Variants in ZNHIT6 observed in about 807,000 individuals in gnomAD.
ZNHIT6 encodes the protein box C/D snoRNA protein 1.
Under a neutral mutation model 57.2 loss-of-function variants are expected in ZNHIT6, and 45 were observed. The observed-to-expected ratio is 0.79, with a 90% CI of 0.62 to 1.01. The LOEUF (loss-of-function observed/expected upper bound fraction) is 1.01. ZNHIT6 is among the 50% of genes least tolerant of loss of function. ZNHIT6 has a pLI of 0.00. For synonymous variants in ZNHIT6, 188 were observed against 190.0 expected, an observed-to-expected ratio of 0.99 and a Z score of 0.09; for missense variants, 528 against 567.3, an observed-to-expected ratio of 0.93 and a Z score of 0.70.
chr1:85,662,165 A>AC (rs990498048), intron 8 of ZNHIT6, among the ~76,000 whole-genome samples: 6 of 151,246 alleles, frequency 4.0e-5, no homozygotes, highest in Non-Finnish European at 7.4e-5. Context: ...TAAAAAAAAA[A>AC]AAAAAACCTC....
Position 85,673,084 on chromosome 1 carries a change from G to A in ZNHIT6, c.1247+4152C>T, listed in dbSNP as rs376513604. Among the ~76,000 whole-genome samples the A allele has an allele frequency of 5.6e-4, 86 of 152,240 alleles. No homozygotes were observed. The South Asian group carries it at 0.017, about 30-fold the overall frequency. Reference sequence around the variant, plus strand: ...GTCCAAAACCACTCATTTACTTTCTGAGAATAGAAAGTTGGTAAGAAATAA... The same window carrying A: ...GTCCAAAACCACTCATTTACTTTCTAAGAATAGAAAGTTGGTAAGAAATAA... On this transcript the variant is annotated intron_variant, in intron 8 of 9. Coordinates refer to ENST00000370574, the MANE Select transcript of ZNHIT6 (RefSeq NM_017953.4).
intron 5 of ZNHIT6, among the ~76,000 whole-genome samples, chr1:85,688,897 G>C (rs1401079184): frequency 2.0e-5 from 3 of 152,176 alleles, no homozygotes; most frequent in Non-Finnish European, 4.4e-5. Flanking sequence ...TGCTGTAATT[G>C]AAGTCCATCT....
At chr1:85,662,298 G>C (rs958175475) in intron 8 of ZNHIT6, among the ~76,000 whole-genome samples, 5 of 151,820 alleles carry the variant, frequency 3.3e-5, no homozygotes, top group African/African-American at 1.2e-4. Context: ...CCAAAACTAA[G>C]TTTGAATTTC....
chr1:85,706,656 A>G (rs2100727173), intron 1 of ZNHIT6, 149 bp from the exon 2 acceptor site: 1 of 694,162 alleles, frequency 1.4e-6, no homozygotes, highest in Non-Finnish European at 2.1e-6. Flanking sequence ...ATTCTTCTCT[A>G]TGAAACCTTC....
chr1:85,679,565 T>TTG (rs1306020993), intron 6 of ZNHIT6, among the ~76,000 whole-genome samples: 7 of 138,200 alleles, frequency 5.1e-5, no homozygotes, highest in Non-Finnish European at 1.0e-4. Context: ...ATTAAAATGT[T>TTG]TTTTTTTTTT....
intron 6 of ZNHIT6, among the ~76,000 whole-genome samples, chr1:85,680,608 C>A (rs926040197): frequency 6.6e-6 from 1 of 152,168 alleles, no homozygotes; most frequent in Non-Finnish European, 1.5e-5. Context: ...TATTTACAAT[C>A]ATGTTCTCTA....
At chr1:85,675,015 C>A (rs1269532149) in intron 8 of ZNHIT6, among the ~76,000 whole-genome samples, 1 of 152,088 alleles carries the variant, frequency 6.6e-6, no homozygotes, top group Non-Finnish European at 1.5e-5. Flanking sequence ...CCATGAAGAG[C>A]CGAAGTGGAT....
At chr1:85,695,685 A>G (rs1395157304) in intron 5 of ZNHIT6, among the ~76,000 whole-genome samples, 1 of 152,222 alleles carries the variant, frequency 6.6e-6, no homozygotes, top group Non-Finnish European at 1.5e-5. Flanking sequence ...ATTTCTTAGC[A>G]TGTCCTTAAT....
chr1:85,685,292 A>G (rs895387807), intron 5 of ZNHIT6, among the ~76,000 whole-genome samples: 1 of 152,230 alleles, frequency 6.6e-6, no homozygotes, highest in Non-Finnish European at 1.5e-5. Context: ...CTAAATGTAC[A>G]TCATCAGAAA....
rs1324792203 is a variant in ZNHIT6 at position 85,682,521 on chromosome 1, A to T, written c.1020-1617T>A. 5.3e-5 allele frequency among the ~76,000 whole-genome samples: 8 copies of T among 152,316 alleles called. No homozygotes were observed. The East Asian group carries it at 1.5e-3, about 29-fold the overall frequency. On this transcript the variant is annotated intron_variant, in intron 5 of 9. Coordinates refer to ENST00000370574, the MANE Select transcript of ZNHIT6 (RefSeq NM_017953.4). The stretch of plus-strand genomic sequence containing the variant: ...TAATACACCCTGAATACATTCAGAA[A>T]GCACTTAACATTCCAAACACAGAGA...
intron 5 of ZNHIT6, among the ~76,000 whole-genome samples, chr1:85,699,832 GAATA>G (rs1348651517): frequency 1.9e-4 from 29 of 152,124 alleles, no homozygotes; most frequent in African/African-American, 6.3e-4. Context: ...ATGAATATCG[GAATA>G]ATTAAATGAA....
intron 6 of ZNHIT6, among the ~76,000 whole-genome samples, chr1:85,679,190 G>A (rs928531476): frequency 6.3e-4 from 96 of 152,210 alleles, no homozygotes; most frequent in African/African-American, 2.2e-3. Flanking sequence ...ATAAGACCAA[G>A]TTAAAAAATT....
intron 5 of ZNHIT6, among the ~76,000 whole-genome samples, chr1:85,686,200 A>AT: frequency 6.6e-6 from 1 of 151,800 alleles, no homozygotes; most frequent in East Asian, 2.0e-4. Context: ...TGACCTTATG[A>AT]TACGCCCGCC....
rs140615075 is a variant in ZNHIT6, at chr1:85,649,432, G to A, written c.*4626C>T. ...TTACCAAATATCAGGCTGAGCTTTG[G>A]TACTTTATTTGGCAAGAAAATAAAA... On this transcript the variant is annotated 3_prime_UTR_variant, in exon 10 of 10. Transcript: ENST00000370574. 6.6e-6 allele frequency: 1 copy of A among 152,248 alleles called. No individual in the cohort carries two copies. The highest frequency in any genetic ancestry group is 2.4e-5 in the African/African-American group (1 of 41,542). The allele number at this position is 152,248 out of a possible 1,614,324, so 9.4% of individuals were successfully genotyped here.
intron 5 of ZNHIT6, among the ~76,000 whole-genome samples, chr1:85,684,890 C>A (rs144394046): frequency 9.6e-4 from 146 of 152,178 alleles, no homozygotes; most frequent in African/African-American, 3.3e-3. Flanking sequence ...GAAAAAGATG[C>A]AAATCAAAAG....
At chr1:85,659,343 T>C (rs771189206) in intron 8 of ZNHIT6, among the ~76,000 whole-genome samples, 31 of 152,338 alleles carry the variant, frequency 2.0e-4, no homozygotes, top group Non-Finnish European at 4.4e-4. Flanking sequence ...GAGAATATGT[T>C]GGCATGTTAA....
Position 85,651,696 on chromosome 1 carries a change from A to G in ZNHIT6, c.*2362T>C, listed in dbSNP as rs760520270. The G allele has an allele frequency of 3.3e-5, 5 of 152,240 alleles. No individual in the cohort carries two copies. The highest frequency in any genetic ancestry group is 5.9e-5 in the Non-Finnish European group (4 of 68,042). 9.4% of individuals were successfully genotyped at this position (152,240 alleles called of 1,614,324 possible). ...CAGGTGGAGCTTTTCTCCTTTTAAAATGTGATTCATGAACAAAATGCAGGA... is the reference window on the plus strand; with the variant it reads ...CAGGTGGAGCTTTTCTCCTTTTAAAGTGTGATTCATGAACAAAATGCAGGA... On this transcript the variant is annotated 3_prime_UTR_variant, in exon 10 of 10. Transcript: ENST00000370574.
intron 5 of ZNHIT6, among the ~76,000 whole-genome samples, chr1:85,689,598 T>C (rs1379252973): frequency 1.3e-5 from 2 of 152,184 alleles, no homozygotes; most frequent in Non-Finnish European, 2.9e-5. Flanking sequence ...GTATTGGCTT[T>C]AGTAGAAAGT....
intron 5 of ZNHIT6, among the ~76,000 whole-genome samples, chr1:85,687,994 G>C (rs556354365): frequency 6.7e-6 from 1 of 148,414 alleles, no homozygotes; most frequent in African/African-American, 2.5e-5. Context: ...AGTGAGCCGA[G>C]ATCGTGCCAT....
Sources: allele counts gnomAD v4.1 joint callset (sites outside exome capture counted in the v4.1 genomes callset), GRCh38; gene constraint gnomAD v4.1.1; transcripts MANE v1.5; gene names NCBI Gene and HGNC (gene_info 2026-07-23, HGNC 2026-07-21).